The following ZFP91 variants were observed in gnomAD, a reference collection of about 807,000 sequenced individuals.
ZFP91 encodes E3 ubiquitin-protein ligase ZFP91.
In ZFP91, 7 loss-of-function variants were observed where a neutral mutation model predicts 63.5. The ratio of observed to expected loss-of-function variants is 0.11; its 90% CI spans 0.06 to 0.21. The LOEUF (loss-of-function observed/expected upper bound fraction) is 0.21. ZFP91 is among the 10% of genes least tolerant of loss of function. The probability of loss-of-function intolerance (pLI) is 1.00; values close to 1 mark genes in which losing one functional copy is unlikely to be tolerated. For missense variants in ZFP91, 628 were observed against 736.6 expected (o/e 0.85, Z 1.71); for synonymous variants, 330 against 272.1 (o/e 1.21, Z -2.10).
chr11:58,594,461 T>C (rs112728563), intron 2 of ZFP91, among the ~76,000 whole-genome samples: 9 of 152,338 alleles, frequency 5.9e-5, no homozygotes, highest in East Asian at 5.8e-4. Flanking sequence ...CTCAAACTTA[T>C]GTCTGAGCAA....
chr11:58,589,826 C>T (rs989665744), intron 2 of ZFP91, among the ~76,000 whole-genome samples: 5 of 152,124 alleles, frequency 3.3e-5, no homozygotes, highest in African/African-American at 1.2e-4. Context: ...TTATTAATTT[C>T]CTACAAATAA....
At chr11:58,588,202 C>T (rs1855244634) in intron 2 of ZFP91, among the ~76,000 whole-genome samples, 1 of 152,106 alleles carries the variant, frequency 6.6e-6, no homozygotes, top group African/African-American at 2.4e-5. Context: ...AATCATTTTA[C>T]TCTTTTCAGT....
chr11:58,617,898 C>A lies in ZFP91; in HGVS notation c.*192C>A. On this transcript the variant is annotated 3_prime_UTR_variant, in exon 11 of 11. Coordinates refer to ENST00000316059, the MANE Select transcript of ZFP91 (RefSeq NM_053023.5). This position sits in a 1 kb window ranked among gnomAD's most constrained non-coding sequence, Gnocchi z 4.2. ...CCCCTGTTCTCCCTCTGTTGCTCCC[C>A]TTATAAAATTGATGTTGTCTTTACC... The A allele has an allele frequency of 1.5e-6, 1 of 661,380 alleles. No individual in the cohort carries two copies. Among genetic ancestry groups the A allele is most frequent in the Non-Finnish European group, 2.1e-6 (1 of 465,932 alleles). 41.0% of individuals were successfully genotyped at this position (661,380 alleles called of 1,614,324 possible). A position where few individuals can be genotyped will look rare whatever the true frequency, so the allele number is the denominator to read the frequency against.
intron 2 of ZFP91, among the ~76,000 whole-genome samples, chr11:58,607,614 T>G (rs1251210231): frequency 6.6e-6 from 1 of 152,188 alleles, no homozygotes; most frequent in African/African-American, 2.4e-5. Flanking sequence ...TCAAACTAAT[T>G]TCATTACTTC....
intron 2 of ZFP91, among the ~76,000 whole-genome samples, chr11:58,601,581 GATGTT>G (rs769557606): frequency 2.7e-5 from 4 of 150,228 alleles, no homozygotes; most frequent in Non-Finnish European, 5.9e-5. Context: ...TTATGGGTAT[GATGTT>G]AGGTTATTGA....
At chr11:58,604,638 A>T (rs1401964927) in intron 2 of ZFP91, among the ~76,000 whole-genome samples, 1 of 152,186 alleles carries the variant, frequency 6.6e-6, no homozygotes, top group African/African-American at 2.4e-5. Flanking sequence ...TCTAAAGCAA[A>T]CTTGTCCACT....
chr11:58,617,795 C>G lies in ZFP91; in HGVS notation c.*89C>G. The G allele has an allele frequency of 1.4e-6, 2 of 1,430,784 alleles. No individual in the cohort carries two copies. Among genetic ancestry groups the G allele is most frequent in the Non-Finnish European group, 1.8e-6 (2 of 1,098,276 alleles). 88.6% of individuals were successfully genotyped at this position (1,430,784 alleles called of 1,614,324 possible). A position where few individuals can be genotyped will look rare whatever the true frequency, so the allele number is the denominator to read the frequency against. On this transcript the variant is annotated 3_prime_UTR_variant, in exon 11 of 11. Transcript: ENST00000316059. This position sits in a 1 kb window ranked among gnomAD's most constrained non-coding sequence, Gnocchi z 4.2. ...AAAAAAAATCTAAAGCATTTAAAAT[C>G]TAGTGAAATAACTGAAGGGCCTGCT...
chr11:58,615,647 G>T (rs114931962), intron 9 of ZFP91, among the ~76,000 whole-genome samples: 2 of 152,088 alleles, frequency 1.3e-5, no homozygotes, highest in Admixed American at 6.6e-5. Context: ...AGAACTGTGC[G>T]TTTTTAGACC....
intron 1 of ZFP91, among the ~76,000 whole-genome samples, chr11:58,584,262 G>A (rs1366227132): frequency 6.6e-6 from 1 of 151,676 alleles, no homozygotes; most frequent in East Asian, 1.9e-4. Context: ...ACAATTTTAG[G>A]GTCTTTTTAA....
chr11:58,590,566 C>T (rs1320042354), intron 2 of ZFP91, among the ~76,000 whole-genome samples: 2 of 152,042 alleles, frequency 1.3e-5, no homozygotes, highest in African/African-American at 2.4e-5. Flanking sequence ...AATAGAAAAT[C>T]GAAGTCATAA....
At chr11:58,616,645 C>T in intron 9 of ZFP91, 71 bp from the exon 10 acceptor site, 1 of 1,321,214 alleles carries the variant, frequency 7.6e-7, no homozygotes, top group Non-Finnish European at 1.1e-6. Context: ...CCATCATCTG[C>T]TTACTTACTG....
intron 6 of ZFP91, 146 bp from the exon 7 acceptor site, chr11:58,612,132 C>T: frequency 2.6e-6 from 2 of 773,742 alleles, no homozygotes; most frequent in Non-Finnish European, 4.1e-6. Flanking sequence ...GCTTGATTTG[C>T]CAGATATATC....
chr11:58,584,848 T>C lies in ZFP91; in HGVS notation c.342-8T>C. 1 of 1,534,986 alleles carries C rather than the reference T, an allele frequency of 6.5e-7. No individual in the cohort carries two copies. The highest frequency in any genetic ancestry group is 1.3e-5 in the South Asian group (1 of 76,144). Reference sequence around the variant, plus strand: ...TGTTCATTAATGTTTGATTCTTATTTCTTTCAGATGCATAGAAAAAGTAAC... The same window carrying C: ...TGTTCATTAATGTTTGATTCTTATTCCTTTCAGATGCATAGAAAAAGTAAC... On this transcript the variant is annotated splice_region_variant and splice_polypyrimidine_tract_variant and intron_variant, in intron 1 of 10. Transcript: ENST00000316059.
In ZFP91 at chr11:58,617,340, G is replaced by A; in HGVS notation, c.1347G>A (p.Lys449=). The change falls in exon 11 of 11, where the codon AAG becomes AAA. Residue 449 remains lysine (K), a synonymous_variant. Coordinates refer to ENST00000316059, the MANE Select transcript of ZFP91 (RefSeq NM_053023.5). This position sits in a 1 kb window ranked among gnomAD's most constrained non-coding sequence, Gnocchi z 4.2. ...AGAAGGACAGCGTAGTGGCACACAA[G>A]GCAAAAAGCCACCCTGAGGTGCTGA... The part of the protein sequence containing the change: ...FEKKDSVVAH[K]AKSHPEVLIA... 1 of 1,613,898 alleles carries A rather than the reference G, an allele frequency of 6.2e-7. No homozygotes were observed. Among genetic ancestry groups the A allele is most frequent in the Non-Finnish European group, 8.5e-7 (1 of 1,179,930 alleles).
At position 58,617,070 on chromosome 11, in the gene ZFP91, T is replaced by TTGTGTGTGTGTGTG. The variant is rs143676081; in HGVS notation, c.1203-110_1203-97dup. The TTGTGTGTGTGTGTG allele has an allele frequency of 9.3e-4, 690 of 740,562 alleles. 2 individuals are homozygous for TTGTGTGTGTGTGTG. Among genetic ancestry groups the TTGTGTGTGTGTGTG allele is most frequent in the African/African-American group, 8.4e-3 (461 of 54,930 alleles). 45.9% of individuals were successfully genotyped at this position (740,562 alleles called of 1,614,324 possible). ...TTCAAAAGAAGTATGTTACTGATTA[T>TTGTGTGTGTGTGTG]TGTGTGTGTGTGTGTGTGTGTGTGT... On this transcript the variant is annotated intron_variant, in intron 10 of 10. Transcript: ENST00000316059. The surrounding 1 kb of genome is among the most constrained non-coding windows in gnomAD (Gnocchi z 4.2).
At chr11:58,601,801 G>A (rs1031406908) in intron 2 of ZFP91, among the ~76,000 whole-genome samples, 3 of 152,102 alleles carry the variant, frequency 2.0e-5, no homozygotes, top group African/African-American at 7.2e-5. Flanking sequence ...TCATGTATTT[G>A]TGAGTTTTCT....
intron 2 of ZFP91, among the ~76,000 whole-genome samples, chr11:58,609,235 T>C (rs559713395): frequency 4.5e-4 from 68 of 152,338 alleles, no homozygotes; most frequent in Middle Eastern, 3.4e-3. Context: ...AACAGATTTG[T>C]GTGTGCTCCT....
intron 4 of ZFP91, 45 bp from the exon 5 acceptor site, chr11:58,610,905 G>A: frequency 6.4e-7 from 1 of 1,570,444 alleles, no homozygotes; most frequent in Non-Finnish European, 8.7e-7. Context: ...CCTCAGACAT[G>A]TTCGCTACAA....
chr11:58,608,486 A>T (rs1429146908), intron 2 of ZFP91, among the ~76,000 whole-genome samples: 2 of 152,136 alleles, frequency 1.3e-5, no homozygotes, highest in Admixed American at 1.3e-4. Flanking sequence ...CACAGTCTTG[A>T]CAATACATTA....
Sources: gnomAD v4.1 joint callset for allele counts (sites outside exome capture counted in the v4.1 genomes callset) on GRCh38, gnomAD v4.1.1 for gene constraint, Gnocchi (gnomAD v3.1) non-coding constraint, MANE v1.5 for transcripts, NCBI Gene and HGNC (gene_info 2026-07-23, HGNC 2026-07-21) for gene names.